PXN: variants seen among roughly 807,000 people sequenced by gnomAD.
PXN encodes the protein paxillin, also known as testicular tissue protein Li 134.
Under a neutral mutation model 103.6 loss-of-function variants are expected in PXN, and 61 were observed. That is an observed-to-expected ratio of 0.59 (90% CI 0.48 to 0.73). The LOEUF is 0.73. Among genes scored for constraint, PXN ranks in the 30% least tolerant of loss-of-function variants. The pLI is 0.00. For missense variants in PXN, 1,274 were observed against 1,460.3 expected, an observed-to-expected ratio of 0.87 and a Z score of 2.08; for synonymous variants, 562 against 607.8, an observed-to-expected ratio of 0.92 and a Z score of 1.11.
rs11615220 is a variant in PXN at position 120,249,958 on chromosome 12, C to T, written c.13+15659G>A. ...ACATCCACTGCTTGGGACAGAGGACCTTCCAAGACAGGCAGCATGTGACCA... is the reference window on the plus strand; with the variant it reads ...ACATCCACTGCTTGGGACAGAGGACTTTCCAAGACAGGCAGCATGTGACCA... On this transcript the variant is annotated intron_variant, in intron 1 of 14. Coordinates refer to ENST00000637617, the MANE Select transcript of PXN (RefSeq NM_001385981.1). The T allele has an allele frequency of 3.5e-3, 3,447 of 985,422 alleles. 5 individuals carry two copies. Among genetic ancestry groups the T allele is most frequent in the Non-Finnish European group, 3.8e-3 (3,189 of 829,978 alleles). The allele number at this position is 985,422 out of a possible 1,614,324, so 61.0% of individuals were successfully genotyped here. A position where few individuals can be genotyped will look rare whatever the true frequency, so the allele number is the denominator to read the frequency against.
intron 1 of PXN, among the ~76,000 whole-genome samples, chr12:120,244,541 G>A (rs914462156): frequency 6.6e-5 from 10 of 151,904 alleles, no homozygotes; most frequent in South Asian, 2.1e-4. Context: ...CCAGCTACTC[G>A]GGAGGCTGAG....
intron 1 of PXN, among the ~76,000 whole-genome samples, chr12:120,238,947 C>A (rs1006868998): frequency 6.6e-6 from 1 of 152,214 alleles, no homozygotes; most frequent in African/African-American, 2.4e-5. Context: ...GCTTCTGCCC[C>A]CTAACTACTG....
chr12:120,234,576 CT>C lies in PXN; in HGVS notation c.14-10200del, dbSNP rs1457852805. Among the ~76,000 whole-genome samples, 12 of 152,224 alleles carry C rather than the reference CT, an allele frequency of 7.9e-5. No homozygotes were observed. In the East Asian group the frequency reaches 1.9e-3, roughly 25 times the overall value. Reference sequence around the variant, plus strand: ...TGGGAGCTAGGATGGTCACACAGTTCTTTGGACACCCTCTGGGCATCCCACC... The same window carrying C: ...TGGGAGCTAGGATGGTCACACAGTTCTTGGACACCCTCTGGGCATCCCACC... On this transcript the variant is annotated intron_variant, in intron 1 of 14. Coordinates refer to ENST00000637617, the MANE Select transcript of PXN (RefSeq NM_001385981.1).
chr12:120,232,623 C>T (rs1251869354), intron 1 of PXN, among the ~76,000 whole-genome samples: 1 of 152,176 alleles, frequency 6.6e-6, no homozygotes, highest in Non-Finnish European at 1.5e-5. Context: ...CCAGCCCATT[C>T]CTGCAATCTG....
In PXN at chr12:120,258,216, T is replaced by C. The variant is rs867812715; in HGVS notation, c.13+7401A>G. ...TCAAAAAAAAAAAAAAAAGTCTTGCTCTGCATCCCATCAGCCTAGACAACC... is the reference window on the plus strand; with the variant it reads ...TCAAAAAAAAAAAAAAAAGTCTTGCCCTGCATCCCATCAGCCTAGACAACC... On this transcript the variant is annotated intron_variant, in intron 1 of 14. Coordinates refer to ENST00000637617, the MANE Select transcript of PXN (RefSeq NM_001385981.1). 3.3e-5 allele frequency among the ~76,000 whole-genome samples: 5 copies of C among 150,298 alleles called. 1 individual carries two copies. Among genetic ancestry groups the C allele is most frequent in the African/African-American group, 1.2e-4 (5 of 40,928 alleles).
intron 1 of PXN, among the ~76,000 whole-genome samples, chr12:120,252,009 A>T (rs752951969): frequency 6.6e-6 from 1 of 152,184 alleles, no homozygotes; most frequent in African/African-American, 2.4e-5. Context: ...ACCAAGGCTC[A>T]GAGTGTAAAG....
intron 1 of PXN, among the ~76,000 whole-genome samples, chr12:120,258,927 G>T (rs1414961229): frequency 1.3e-5 from 2 of 151,936 alleles, no homozygotes; most frequent in Non-Finnish European, 2.9e-5. Flanking sequence ...AAATTAGCCA[G>T]GCGTGGTGGT....
chr12:120,230,568 C>T (rs1427880437), intron 1 of PXN, among the ~76,000 whole-genome samples: 4 of 152,118 alleles, frequency 2.6e-5, no homozygotes, highest in African/African-American at 7.2e-5. Flanking sequence ...TCATCTCAGC[C>T]CCTTTGGTGA....
chr12:120,256,635 A>G (rs1382892107), intron 1 of PXN, among the ~76,000 whole-genome samples: 2 of 152,162 alleles, frequency 1.3e-5, no homozygotes, highest in Non-Finnish European at 2.9e-5. Context: ...ACTATGTGCT[A>G]AGCACCTCAC....
rs1894611666 is a variant in PXN, at chr12:120,265,724, C to CCGGAA, written c.-100_-96dup. ...CAACTTTTCCGCCGCGAGCCTCGGC[C>CCGGAA]CGGAACGGAACGCGCCGCCGCCGCG... On this transcript the variant is annotated 5_prime_UTR_variant, in exon 1 of 15. Coordinates refer to ENST00000637617, the MANE Select transcript of PXN (RefSeq NM_001385981.1). This position sits in a 1 kb window ranked among gnomAD's most constrained non-coding sequence, Gnocchi z 5.7. 4.4e-6 allele frequency: 5 copies of CCGGAA among 1,124,178 alleles called. No homozygotes were observed. Among genetic ancestry groups the CCGGAA allele is most frequent in the Admixed American group, 4.9e-5 (1 of 20,536 alleles). The allele number at this position is 1,124,178 out of a possible 1,614,324, so 69.6% of individuals were successfully genotyped here. A position where few individuals can be genotyped will look rare whatever the true frequency, so the allele number is the denominator to read the frequency against.
chr12:120,211,651 G>T lies in PXN; in HGVS notation c.*663C>A, dbSNP rs369147417. 1.2e-4 allele frequency: 35 copies of T among 300,672 alleles called. No individual in the cohort carries two copies. The highest frequency in any genetic ancestry group is 7.1e-4 in the African/African-American group (33 of 46,342). The allele number at this position is 300,672 out of a possible 1,614,324, so 18.6% of individuals were successfully genotyped here. A position where few individuals can be genotyped will look rare whatever the true frequency, so the allele number is the denominator to read the frequency against. ...CAGGCACGCCGTCCCGGAGACGGAGGAAGTGACTAGAAAACATTATTGCTG... is the reference window on the plus strand; with the variant it reads ...CAGGCACGCCGTCCCGGAGACGGAGTAAGTGACTAGAAAACATTATTGCTG... On this transcript the variant is annotated 3_prime_UTR_variant, in exon 15 of 15. Coordinates refer to ENST00000637617, the MANE Select transcript of PXN (RefSeq NM_001385981.1).
Position 120,229,281 on chromosome 12 carries a change from GA to G in PXN, c.14-4905del, listed in dbSNP as rs1408737711. 2.0e-5 allele frequency among the ~76,000 whole-genome samples: 3 copies of G among 152,258 alleles called. No individual in the cohort carries two copies. The East Asian group carries it at 5.8e-4, about 29-fold the overall frequency. ...CGCCCCCACCCCCGACTGCAGCACAGAAACAAGCCAGGCTGCTTCCTCCTAC... is the reference window on the plus strand; with the variant it reads ...CGCCCCCACCCCCGACTGCAGCACAGAACAAGCCAGGCTGCTTCCTCCTAC... On this transcript the variant is annotated intron_variant, in intron 1 of 14. Transcript: ENST00000637617. The surrounding 1 kb of genome is among the most constrained non-coding windows in gnomAD (Gnocchi z 4.0).
intron 1 of PXN, among the ~76,000 whole-genome samples, chr12:120,239,123 C>T (rs937957240): frequency 1.3e-5 from 2 of 152,210 alleles, no homozygotes; most frequent in Non-Finnish European, 2.9e-5. Flanking sequence ...TACTGCCCTT[C>T]CTGGTGCCAC....
At position 120,265,623 on chromosome 12, in the gene PXN, C is replaced by T. The variant is rs767605379; in HGVS notation, c.7G>A (p.Asp3Asn). 2 of 1,481,520 alleles carry T rather than the reference C, an allele frequency of 1.3e-6. No individual in the cohort carries two copies. Among genetic ancestry groups the T allele is most frequent in the Non-Finnish European group, 1.8e-6 (2 of 1,121,424 alleles). The allele number at this position is 1,481,520 out of a possible 1,614,324, so 91.8% of individuals were successfully genotyped here. The change falls in exon 1 of 15, where the codon GAC (aspartate) becomes AAC (asparagine). Residue 3 changes from aspartate to asparagine, a missense_variant. Around this residue, in one of 2 missense-constraint regions of PXN, gnomAD observed 1,178 missense variants for 1,309.0 expected, o/e 0.90. Transcript: ENST00000637617. The surrounding 1 kb of genome is among the most constrained non-coding windows in gnomAD (Gnocchi z 5.7). MD[D>N]LDALLADLES... is the part of the protein sequence containing the mutation. The stretch of plus-strand genomic sequence containing the variant: ...CGGCCTCCCGCTCACTCACCGAGGT[C>T]GTCCATGGCCGGACCACGGGCGCCG...
intron 1 of PXN, chr12:120,226,807 G>C (rs1471023984): frequency 2.0e-6 from 2 of 1,021,784 alleles, no homozygotes; most frequent in Non-Finnish European, 1.2e-6. Context: ...CTCAGGGCCT[G>C]TTGTCTCAGT....
chr12:120,249,266 C>T (rs1021732850), intron 1 of PXN, among the ~76,000 whole-genome samples: 5 of 152,138 alleles, frequency 3.3e-5, no homozygotes, highest in East Asian at 1.9e-4. Flanking sequence ...ATGACGGCCA[C>T]AAACTCCCAA....
chr12:120,264,700 G>A (rs561287433), intron 1 of PXN, among the ~76,000 whole-genome samples: 15 of 152,214 alleles, frequency 9.9e-5, no homozygotes, highest in Non-Finnish European at 2.2e-4. Context: ...CTGACGCAGA[G>A]AGGGTGGAGG....
At chr12:120,242,431 C>A (rs551250190) in intron 1 of PXN, among the ~76,000 whole-genome samples, 2 of 152,246 alleles carry the variant, frequency 1.3e-5, no homozygotes, top group East Asian at 3.9e-4. Context: ...AGCAGGTTAT[C>A]AGAGGAACCA....
rs772832049 is a variant in PXN at position 120,212,300 on chromosome 12, CA to C, written c.*13del. 27 of 1,607,056 alleles carry C rather than the reference CA, an allele frequency of 1.7e-5. 2 individuals carry two copies. Among genetic ancestry groups the C allele is most frequent in the Middle Eastern group, 1.7e-4 (1 of 6,036 alleles). ...GCTGGCTGGGGAAGGGGGGCAGAGA[CA>C]GGGGCAGGGCACCTAGCAGAAGAGC... On this transcript the variant is annotated 3_prime_UTR_variant, in exon 15 of 15. Transcript: ENST00000637617. This position sits in a 1 kb window ranked among gnomAD's most constrained non-coding sequence, Gnocchi z 7.2.
Sources: gnomAD v4.1 joint callset for allele counts (sites outside exome capture counted in the v4.1 genomes callset) on GRCh38, gnomAD v4.1.1 for gene constraint, gnomAD v4.1.1 regional missense constraint, Gnocchi (gnomAD v3.1) non-coding constraint, MANE v1.5 for transcripts, NCBI Gene and HGNC (gene_info 2026-07-23, HGNC 2026-07-21) for gene names.